OTOP1: variants seen among roughly 807,000 people sequenced by gnomAD.
OTOP1 encodes proton channel OTOP1.
A neutral mutation model predicts 52.9 loss-of-function variants in OTOP1; 59 were observed. The ratio of observed to expected loss-of-function variants is 1.12; its 90% CI spans 0.91 to 1.39. The LOEUF (loss-of-function observed/expected upper bound fraction) is 1.39. OTOP1 is among the 40% of genes most tolerant of loss of function. OTOP1 has a pLI of 0.00. For synonymous variants in OTOP1, 317 were observed against 337.7 expected (o/e 0.94, Z 0.67); for missense variants, 761 against 800.9 (o/e 0.95, Z 0.60).
intron 4 of OTOP1, among the ~76,000 whole-genome samples, chr4:4,200,254 G>A (rs1004104771): frequency 3.3e-5 from 5 of 152,090 alleles, no homozygotes; most frequent in Non-Finnish European, 5.9e-5. Flanking sequence ...CCAGCACTTT[G>A]GAAGGCCGAG....
intron 1 of OTOP1, among the ~76,000 whole-genome samples, chr4:4,216,143 T>C (rs1380969686): frequency 6.6e-6 from 1 of 152,000 alleles, no homozygotes; most frequent in Admixed American, 6.6e-5. Flanking sequence ...GGCTCTATAG[T>C]AGTAGCTGAG....
At chr4:4,204,074 C>A (rs1039286757) in intron 3 of OTOP1, among the ~76,000 whole-genome samples, 47 of 152,228 alleles carry the variant, frequency 3.1e-4, no homozygotes, top group African/African-American at 1.1e-3. Flanking sequence ...GAAAATGGTG[C>A]AACCGCATCC....
At chr4:4,204,071 G>C (rs1312087500) in intron 3 of OTOP1, among the ~76,000 whole-genome samples, 2 of 152,152 alleles carry the variant, frequency 1.3e-5, no homozygotes, top group South Asian at 4.1e-4. Flanking sequence ...GGGGAAAATG[G>C]TGCAACCGCA....
chr4:4,201,842 A>G (rs1345177295), intron 4 of OTOP1, among the ~76,000 whole-genome samples: 1 of 152,160 alleles, frequency 6.6e-6, no homozygotes, highest in African/African-American at 2.4e-5. Flanking sequence ...CCTGCCCCAC[A>G]TTCCCCTCAG....
At chr4:4,192,702 G>A (rs1230038122) in intron 5 of OTOP1, among the ~76,000 whole-genome samples, 1 of 152,164 alleles carries the variant, frequency 6.6e-6, no homozygotes, top group Non-Finnish European at 1.5e-5. Flanking sequence ...AAGTGTGAAG[G>A]CAGGGGTCAC....
At chr4:4,216,582 C>A (rs961753839) in intron 1 of OTOP1, among the ~76,000 whole-genome samples, 1 of 152,194 alleles carries the variant, frequency 6.6e-6, no homozygotes, top group Non-Finnish European at 1.5e-5. Context: ...TGCTCAAAGC[C>A]TTATAGAAAC....
chr4:4,207,535 A>G (rs994205758), intron 2 of OTOP1, among the ~76,000 whole-genome samples: 5 of 152,084 alleles, frequency 3.3e-5, no homozygotes, highest in African/African-American at 1.2e-4. Context: ...TATTTTTTAA[A>G]TAAATGCTTT....
chr4:4,218,715 G>T (rs1251889940), intron 1 of OTOP1, among the ~76,000 whole-genome samples: 1 of 152,108 alleles, frequency 6.6e-6, no homozygotes, highest in Non-Finnish European at 1.5e-5. Flanking sequence ...AACACTTGAG[G>T]TCAGGAGTTC....
In OTOP1 at chr4:4,197,674, C is replaced by A. The variant is rs747230871; in HGVS notation, c.1160G>T (p.Arg387Leu). ...CACCAAGAGGTCCGAGTCCAGTTTG[C>A]GGGCCGGATTTTTGGACTCATCCAG... ...KSLDESKNPA[R>L]KLDSDLLVGT... The change falls in exon 5 of 6, where the codon CGC becomes CTC. Residue 387 changes from arginine to leucine, a missense_variant. Physicochemically the swap from Arg to Leu is moderately radical, Grantham distance 102. This residue lies in a region of OTOP1 where 632 missense variants were observed against 619.5 expected (regional missense o/e 1.02). Coordinates refer to ENST00000296358, the MANE Select transcript of OTOP1 (RefSeq NM_177998.3). 1 of 1,613,654 alleles carries A rather than the reference C, an allele frequency of 6.2e-7. No individual in the cohort carries two copies. The highest frequency in any genetic ancestry group is 8.5e-7 in the Non-Finnish European group (1 of 1,179,992).
At chr4:4,218,729 A>G (rs942087495) in intron 1 of OTOP1, among the ~76,000 whole-genome samples, 3 of 152,134 alleles carry the variant, frequency 2.0e-5, no homozygotes, top group Non-Finnish European at 2.9e-5. Context: ...GGAGTTCGAG[A>G]CCAGCCGGGC....
intron 2 of OTOP1, 139 bp downstream of exon 2, chr4:4,212,729 A>T: frequency 1.0e-6 from 1 of 965,320 alleles, no homozygotes; most frequent in Non-Finnish European, 1.5e-6. Context: ...TAAGCCTCAA[A>T]GACAGATTTC....
At chr4:4,199,282 G>T in intron 4 of OTOP1, among the ~76,000 whole-genome samples, 1 of 145,172 alleles carries the variant, frequency 6.9e-6, no homozygotes, top group Non-Finnish European at 1.5e-5. Context: ...GAGAGGAACA[G>T]CTCAATGTCC....
chr4:4,199,231 TGTGAGAGA>T (rs1487290720), intron 4 of OTOP1, among the ~76,000 whole-genome samples: 3 of 95,814 alleles, frequency 3.1e-5, no homozygotes, highest in East Asian at 5.8e-4. Context: ...TGTGTGTGTG[TGTGAGAGA>T]GAGAGAGAGA....
intron 4 of OTOP1, among the ~76,000 whole-genome samples, 155 bp downstream of exon 4, chr4:4,202,293 G>T (rs551971267): frequency 6.6e-6 from 1 of 152,172 alleles, no homozygotes. Flanking sequence ...GGTTTTGGAA[G>T]ATTTTCAACA....
intron 5 of OTOP1, among the ~76,000 whole-genome samples, chr4:4,191,755 C>T (rs1265096480): frequency 1.3e-5 from 2 of 152,212 alleles, no homozygotes; most frequent in African/African-American, 2.4e-5. Context: ...AGGTGTCTTT[C>T]TTGCTCAGCT....
chr4:4,217,089 G>C (rs1362498688), intron 1 of OTOP1, among the ~76,000 whole-genome samples: 14 of 152,140 alleles, frequency 9.2e-5, no homozygotes, highest in Admixed American at 7.2e-4. Flanking sequence ...ACTTGTCAAG[G>C]GTTCAGGAAT....
At chr4:4,212,160 A>G (rs1409402087) in intron 2 of OTOP1, among the ~76,000 whole-genome samples, 1 of 152,202 alleles carries the variant, frequency 6.6e-6, no homozygotes, top group Non-Finnish European at 1.5e-5. Flanking sequence ...CTCTGATAAC[A>G]TTACCATGGA....
At chr4:4,203,411 G>T (rs530228351) in intron 3 of OTOP1, among the ~76,000 whole-genome samples, 1 of 152,336 alleles carries the variant, frequency 6.6e-6, no homozygotes, top group Admixed American at 6.5e-5. Context: ...TGAGCCCATG[G>T]TCATATATGG....
intron 4 of OTOP1, among the ~76,000 whole-genome samples, chr4:4,199,247 A>T (rs148392853): frequency 0.097 from 6,131 of 63,518 alleles, 761 homozygotes; most frequent in African/African-American, 0.17. Flanking sequence ...AGAGAGAGAG[A>T]GAGAGAGAGA....
Sources: gnomAD v4.1 joint callset for allele counts (sites outside exome capture counted in the v4.1 genomes callset) on GRCh38, gnomAD v4.1.1 for gene constraint, gnomAD v4.1.1 regional missense constraint, MANE v1.5 for transcripts, NCBI Gene and HGNC (gene_info 2026-07-23, HGNC 2026-07-21) for gene names.